Variants in INPP5D observed in about 807,000 individuals in gnomAD.
INPP5D encodes the protein inositol polyphosphate-5-phosphatase D.
INPP5D carries 33 observed loss-of-function variants against 122.9 expected under a neutral mutation model. The observed-to-expected ratio is 0.27, with a 90% CI of 0.20 to 0.36. INPP5D has a LOEUF of 0.36. INPP5D is among the 10% of genes least tolerant of loss of function. The pLI is 1.00. For synonymous variants in INPP5D, 584 were observed against 576.2 expected, an observed-to-expected ratio of 1.01 and a Z score of -0.19; for missense variants, 1,053 against 1,412.7, an observed-to-expected ratio of 0.75 and a Z score of 4.08.
At position 233,198,244 on chromosome 2, in the gene INPP5D, C is replaced by T; in HGVS notation, c.2843C>T (p.Pro948Leu). The T allele has an allele frequency of 6.2e-7, 1 of 1,613,628 alleles. No homozygotes were observed. The highest frequency in any genetic ancestry group is 2.2e-5 in the East Asian group (1 of 44,880). Residue 948 changes from proline (P) to leucine (L), a missense_variant, in exon 25 of 27, where the codon CCC becomes CTC. Pro to Leu is a moderately conservative substitution (Grantham distance 98). This residue lies in a region of INPP5D where 417 missense variants were observed against 425.8 expected (regional missense o/e 0.98). Transcript: ENST00000445964. The part of the protein sequence containing the change: ...QPTAWSYDQP[P>L]KDSPLGPCRG... ...ACAGCCTGGAGCTACGACCAGCCGC[C>T]CAAGGACTCCCCGCTGGGGCCCTGC...
chr2:233,184,663 G>A (rs1694862890), intron 20 of INPP5D, 142 bp downstream of exon 20: 2 of 1,259,102 alleles, frequency 1.6e-6, no homozygotes, highest in East Asian at 2.5e-5. Flanking sequence ...GCTGCAGGTG[G>A]ATGACTCAAG....
chr2:233,123,905 G>A (rs1693073972), intron 3 of INPP5D, among the ~76,000 whole-genome samples: 1 of 152,130 alleles, frequency 6.6e-6, no homozygotes, highest in African/African-American at 2.4e-5. Context: ...TTAAGTGGGA[G>A]ATAAATGATG....
At chr2:233,157,610 T>C (rs1335949758) in intron 9 of INPP5D, among the ~76,000 whole-genome samples, 3 of 152,146 alleles carry the variant, frequency 2.0e-5, no homozygotes, top group Non-Finnish European at 4.4e-5. Context: ...GGGACTGAAA[T>C]TATGCATTGG....
At chr2:233,091,232 C>T (rs1691985497) in intron 2 of INPP5D, among the ~76,000 whole-genome samples, 1 of 152,346 alleles carries the variant, frequency 6.6e-6, no homozygotes, top group Non-Finnish European at 1.5e-5. Context: ...ATATCATGCC[C>T]TGTCCCATAG....
At chr2:233,092,168 C>T (rs995184936) in intron 2 of INPP5D, among the ~76,000 whole-genome samples, 21 of 152,294 alleles carry the variant, frequency 1.4e-4, no homozygotes, top group East Asian at 3.9e-4. Flanking sequence ...GGCGGGCGGC[C>T]GGAGTGACTG....
At chr2:233,101,244 A>T (rs1692303817) in intron 2 of INPP5D, among the ~76,000 whole-genome samples, 1 of 152,076 alleles carries the variant, frequency 6.6e-6, no homozygotes, top group East Asian at 1.9e-4. Context: ...CTCTAACCAC[A>T]GCTCCCACCA....
intron 13 of INPP5D, among the ~76,000 whole-genome samples, 158 bp from the exon 14 acceptor site, chr2:233,169,137 ATCTCCCGCTC>A (rs1232112579): frequency 6.6e-6 from 1 of 150,960 alleles, no homozygotes; most frequent in Middle Eastern, 3.2e-3. Context: ...GCATTTTCTC[ATCTCCCGCTC>A]TCTGCCCAGC....
At chr2:233,134,491 G>A (rs11682791) in intron 5 of INPP5D, among the ~76,000 whole-genome samples, 71,739 of 151,946 alleles carry the variant, frequency 0.47, 17,389 homozygotes, top group African/African-American at 0.55. Context: ...AGGACATTGA[G>A]CACTGAGGAG....
chr2:233,159,645 G>A (rs1694148662), intron 10 of INPP5D, among the ~76,000 whole-genome samples: 1 of 132,134 alleles, frequency 7.6e-6, no homozygotes, highest in African/African-American at 2.9e-5. Flanking sequence ...AGTGAGCTAT[G>A]ATCACACCAC....
intron 2 of INPP5D, among the ~76,000 whole-genome samples, chr2:233,088,271 G>T (rs1691904058): frequency 6.6e-6 from 1 of 152,156 alleles, no homozygotes; most frequent in Non-Finnish European, 1.5e-5. Flanking sequence ...CACCAGCCCC[G>T]CCAAGGTTCT....
At position 233,182,472 on chromosome 2, in the gene INPP5D, G is replaced by A. The variant is rs1446020839; in HGVS notation, c.2134G>A (p.Val712Ile). The A allele has an allele frequency of 6.2e-7, 1 of 1,613,690 alleles. No homozygotes were observed. Among genetic ancestry groups the A allele is most frequent in the Admixed American group, 1.7e-5 (1 of 60,004 alleles). ...TGTCTTTGCCACATTTGAGGCAGGAGTCACTTCCCAGTTTGTCTCCAAGAA... is the reference window on the plus strand; with the variant it reads ...TGTCTTTGCCACATTTGAGGCAGGAATCACTTCCCAGTTTGTCTCCAAGAA... ...SPVFATFEAG[V>I]TSQFVSKNGP... is the part of the protein sequence containing the mutation. Residue 712 changes from valine (V) to isoleucine (I), a missense_variant, in exon 19 of 27, where the codon GTC (valine) becomes ATC (isoleucine). Physicochemically the swap from Val to Ile is conservative, Grantham distance 29. Coordinates refer to ENST00000445964, the MANE Select transcript of INPP5D (RefSeq NM_001017915.3).
intron 2 of INPP5D, among the ~76,000 whole-genome samples, chr2:233,109,380 G>A (rs988517826): frequency 6.6e-5 from 10 of 152,318 alleles, no homozygotes; most frequent in Middle Eastern, 6.8e-3. Flanking sequence ...GTCTATGCGC[G>A]TTGCTGTGTG....
At chr2:233,185,705 G>A in intron 20 of INPP5D, 138 bp from the exon 21 acceptor site, 1 of 1,041,104 alleles carries the variant, frequency 9.6e-7, no homozygotes, top group African/African-American at 1.8e-5. Flanking sequence ...TGATGCTGAG[G>A]CCCCGAGATA....
rs1691611034 is a variant in INPP5D, at chr2:233,079,383, T to C, written c.183T>C (p.Asp61=). The part of the protein sequence containing the change: ...YTYRILPNED[D]KFTVQASEGV... ...ACAGAATTCTGCCCAATGAAGATGATAAATTCACTGTTCAGGTGAGTCCTT... is the reference window on the plus strand; with the variant it reads ...ACAGAATTCTGCCCAATGAAGATGACAAATTCACTGTTCAGGTGAGTCCTT... The change falls in exon 2 of 27, where the codon GAT becomes GAC. Residue 61 remains aspartate, a synonymous_variant. Transcript: ENST00000445964. The C allele has an allele frequency of 4.4e-6, 7 of 1,598,846 alleles. 1 individual carries two copies. Among genetic ancestry groups the C allele is most frequent in the Middle Eastern group, 1.7e-4 (1 of 6,054 alleles).
intron 19 of INPP5D, 47 bp downstream of exon 19, chr2:233,182,546 G>C: frequency 6.2e-7 from 1 of 1,606,052 alleles, no homozygotes; most frequent in Non-Finnish European, 8.5e-7. Context: ...CAATGACAAG[G>C]AGTGTTGGGA....
chr2:233,125,292 C>T (rs1331731805), intron 3 of INPP5D, among the ~76,000 whole-genome samples: 1 of 152,218 alleles, frequency 6.6e-6, no homozygotes, highest in Non-Finnish European at 1.5e-5. Context: ...GGCAGTGTGG[C>T]TAGGCCTGCC....
At chr2:233,084,796 C>T (rs1011798741) in intron 2 of INPP5D, among the ~76,000 whole-genome samples, 28 of 152,224 alleles carry the variant, frequency 1.8e-4, no homozygotes, top group African/African-American at 6.3e-4. Flanking sequence ...AAGCCTAGCA[C>T]GGCCAGGGCT....
At chr2:233,194,271 A>G (rs190158071) in intron 23 of INPP5D, among the ~76,000 whole-genome samples, 1 of 152,254 alleles carries the variant, frequency 6.6e-6, no homozygotes, top group African/African-American at 2.4e-5. Flanking sequence ...AGAAGGACCC[A>G]GTGTACCAAG....
intron 2 of INPP5D, among the ~76,000 whole-genome samples, chr2:233,092,224 C>T (rs1692012108): frequency 6.6e-6 from 1 of 152,208 alleles, no homozygotes; most frequent in African/African-American, 2.4e-5. Flanking sequence ...CCAGGCTCTG[C>T]CCCCTCAGGC....
Sources: allele counts gnomAD v4.1 joint callset (sites outside exome capture counted in the v4.1 genomes callset), GRCh38; gene constraint gnomAD v4.1.1; regional missense constraint gnomAD v4.1.1; transcripts MANE v1.5; gene names NCBI Gene and HGNC (gene_info 2026-07-23, HGNC 2026-07-21).